The following TBC1D12 variants were observed in gnomAD, a reference collection of about 807,000 sequenced individuals.
TBC1D12 encodes TBC1 domain family member 12, also known as TBC1 domain family, member 12.
TBC1D12 carries 56 observed loss-of-function variants against 86.7 expected under a neutral mutation model. That is an observed-to-expected ratio of 0.65 (90% CI 0.52 to 0.81). TBC1D12 has a LOEUF of 0.81. Ranked by LOEUF, TBC1D12 falls within the 30% of genes least tolerant of loss-of-function variation. The pLI is 0.00. For missense variants in TBC1D12, 1,023 were observed against 1,038.8 expected, an observed-to-expected ratio of 0.98 and a Z score of 0.21; for synonymous variants, 421 against 411.7, an observed-to-expected ratio of 1.02 and a Z score of -0.27.
intron 2 of TBC1D12, among the ~76,000 whole-genome samples, chr10:94,450,858 T>C (rs2055539448): frequency 6.6e-6 from 1 of 152,174 alleles, no homozygotes. Context: ...TCTTGTCATT[T>C]GTGGCAACAT....
intron 2 of TBC1D12, among the ~76,000 whole-genome samples, chr10:94,462,577 C>T (rs956768709): frequency 6.6e-6 from 1 of 152,094 alleles, no homozygotes; most frequent in Admixed American, 6.5e-5. Context: ...TAATGTTTTT[C>T]TTGACATCAG....
intron 1 of TBC1D12, among the ~76,000 whole-genome samples, chr10:94,404,213 CT>C: frequency 6.6e-6 from 1 of 152,194 alleles, no homozygotes; most frequent in Non-Finnish European, 1.5e-5. Flanking sequence ...TTTATCCCAA[CT>C]TTTTAAGCCA....
chr10:94,530,854 C>CTT (rs71031584), intron 11 of TBC1D12, among the ~76,000 whole-genome samples: 131 of 102,740 alleles, frequency 1.3e-3, no homozygotes, highest in South Asian at 2.1e-3. Flanking sequence ...GGGAGGAAGC[C>CTT]TTTTTTTTTT....
intron 1 of TBC1D12, among the ~76,000 whole-genome samples, chr10:94,432,779 A>AG (rs1291566562): frequency 7.9e-6 from 1 of 125,854 alleles, no homozygotes; most frequent in Admixed American, 7.7e-5. Flanking sequence ...TTTATTTTGG[A>AG]GGTTTTTTTT....
intron 6 of TBC1D12, among the ~76,000 whole-genome samples, chr10:94,502,168 A>C (rs984024177): frequency 2.0e-5 from 3 of 151,892 alleles, no homozygotes; most frequent in Non-Finnish European, 4.4e-5. Context: ...CCCCGTCTCT[A>C]CTAAAAATAC....
chr10:94,495,671 A>G (rs1306346380), intron 4 of TBC1D12, among the ~76,000 whole-genome samples: 1 of 152,056 alleles, frequency 6.6e-6, no homozygotes, highest in Non-Finnish European at 1.5e-5. Context: ...CTCATGCGTA[A>G]CATGTGAGAG....
At chr10:94,406,956 C>G (rs2054861353) in intron 1 of TBC1D12, among the ~76,000 whole-genome samples, 4 of 151,978 alleles carry the variant, frequency 2.6e-5, no homozygotes, top group Admixed American at 2.6e-4. Context: ...TGGCTCTTTT[C>G]TCTCCCACCT....
In TBC1D12 at chr10:94,487,195, G is replaced by A. The variant is rs1369667908; in HGVS notation, c.1212-6170G>A. Among the ~76,000 whole-genome samples the A allele has an allele frequency of 2.1e-5, 3 of 146,232 alleles. No homozygotes were observed. The East Asian group carries it at 6.0e-4, about 29-fold the overall frequency. ...CTACCTTTCTTTTCAGTCTATATAT[G>A]TCTTTATAGGTGAAGGGTGTTTCTT... On this transcript the variant is annotated intron_variant, in intron 3 of 12. Coordinates refer to ENST00000225235, the MANE Select transcript of TBC1D12 (RefSeq NM_015188.2).
At chr10:94,477,841 G>A (rs1021741762) in intron 3 of TBC1D12, among the ~76,000 whole-genome samples, 5 of 152,140 alleles carry the variant, frequency 3.3e-5, no homozygotes, top group African/African-American at 1.2e-4. Context: ...TGAGCAGTGG[G>A]GTCTAGACCA....
chr10:94,417,750 C>CT (rs35840263), intron 1 of TBC1D12, among the ~76,000 whole-genome samples: 4,899 of 131,684 alleles, frequency 0.037, 279 homozygotes, highest in African/African-American at 0.12. Flanking sequence ...GTCTCTTCTT[C>CT]TTTTTTTTTT....
chr10:94,495,497 T>G (rs923083309), intron 4 of TBC1D12, among the ~76,000 whole-genome samples: 2 of 152,154 alleles, frequency 1.3e-5, no homozygotes, highest in Non-Finnish European at 1.5e-5. Flanking sequence ...AATTTTAAAA[T>G]TTTTACTATA....
chr10:94,528,884 T>C (rs1249957921), intron 11 of TBC1D12, among the ~76,000 whole-genome samples: 1 of 150,906 alleles, frequency 6.6e-6, no homozygotes, highest in Non-Finnish European at 1.5e-5. Flanking sequence ...AGATGACATA[T>C]TTAAACTTTA....
At chr10:94,466,955 G>C (rs748106797) in intron 2 of TBC1D12, among the ~76,000 whole-genome samples, 1 of 151,814 alleles carries the variant, frequency 6.6e-6, no homozygotes, top group Non-Finnish European at 1.5e-5. Context: ...CTTTTGAAGA[G>C]TACTGGTCTA....
chr10:94,467,394 G>A (rs1371166919), intron 2 of TBC1D12, among the ~76,000 whole-genome samples: 1 of 151,812 alleles, frequency 6.6e-6, no homozygotes, highest in Non-Finnish European at 1.5e-5. Context: ...CACCACGCCC[G>A]GCTAATTTTT....
intron 11 of TBC1D12, among the ~76,000 whole-genome samples, chr10:94,528,812 A>C (rs1842358713): frequency 6.7e-6 from 1 of 149,398 alleles, no homozygotes; most frequent in Non-Finnish European, 1.5e-5. Context: ...ATAGAGCAAG[A>C]CTGTGTCTCC....
intron 12 of TBC1D12, among the ~76,000 whole-genome samples, chr10:94,531,782 A>C (rs191388112): frequency 1.3e-3 from 181 of 138,284 alleles, no homozygotes; most frequent in African/African-American, 4.8e-3. Flanking sequence ...ATGTTATTTT[A>C]TTTTATGTTA....
chr10:94,524,186 T>G (rs904576498), intron 11 of TBC1D12, among the ~76,000 whole-genome samples: 18 of 152,060 alleles, frequency 1.2e-4, no homozygotes, highest in Non-Finnish European at 5.9e-5. Flanking sequence ...TAACAAGGCA[T>G]TTTCAGGGTT....
intron 3 of TBC1D12, among the ~76,000 whole-genome samples, chr10:94,485,727 G>C (rs1472232983): frequency 2.0e-5 from 3 of 151,758 alleles, no homozygotes; most frequent in African/African-American, 7.3e-5. Context: ...ATCAGGTCTT[G>C]GGCTTTTCTT....
chr10:94,404,323 G>A (rs1163749719), intron 1 of TBC1D12, among the ~76,000 whole-genome samples: 1 of 151,956 alleles, frequency 6.6e-6, no homozygotes, highest in Non-Finnish European at 1.5e-5. Context: ...AAATGGTATT[G>A]TATTTGTGAT....
Sources: gnomAD v4.1 joint callset for allele counts (sites outside exome capture counted in the v4.1 genomes callset) on GRCh38, gnomAD v4.1.1 for gene constraint, MANE v1.5 for transcripts, NCBI Gene and HGNC (gene_info 2026-07-23, HGNC 2026-07-21) for gene names.